ANTXR1: variants seen among roughly 807,000 people sequenced by gnomAD.
The protein encoded by ANTXR1 is anthrax toxin receptor 1.
In ANTXR1, 19 loss-of-function variants were observed where a neutral mutation model predicts 78.1. The observed-to-expected ratio is 0.24, with a 90% CI of 0.17 to 0.36. The LOEUF (loss-of-function observed/expected upper bound fraction) is 0.36. ANTXR1 is among the 10% of genes least tolerant of loss of function. The probability of loss-of-function intolerance (pLI) is 1.00; values close to 1 mark genes in which losing one functional copy is unlikely to be tolerated. For synonymous variants in ANTXR1, 273 were observed against 260.5 expected, an observed-to-expected ratio of 1.05 and a Z score of -0.46; for missense variants, 518 against 718.6, an observed-to-expected ratio of 0.72 and a Z score of 3.19.
At chr2:69,216,603 C>G (rs184512557) in intron 17 of ANTXR1, among the ~76,000 whole-genome samples, 1 of 152,232 alleles carries the variant, frequency 6.6e-6, no homozygotes, top group East Asian at 1.9e-4. Flanking sequence ...CACAGTCATC[C>G]TCACCCATCA....
rs541824972 is a variant in ANTXR1, at chr2:69,160,821, C to T, written c.1047+8557C>T. Among the ~76,000 whole-genome samples, 4 of 152,326 alleles carry T rather than the reference C, an allele frequency of 2.6e-5. No individual in the cohort carries two copies. The South Asian group carries it at 8.3e-4, about 32-fold the overall frequency. The stretch of plus-strand genomic sequence containing the variant: ...CTTCCTTGGCCTGTCACTACCTGTA[C>T]TCTCCCAAACACTTATTAACATACT... On this transcript the variant is annotated intron_variant, in intron 13 of 17. Transcript: ENST00000303714.
chr2:69,220,232 A>C (rs1188551963), intron 17 of ANTXR1, among the ~76,000 whole-genome samples: 1 of 152,188 alleles, frequency 6.6e-6, no homozygotes, highest in Non-Finnish European at 1.5e-5. Flanking sequence ...TTTGTGGCTC[A>C]GATTTTCCAC....
At chr2:69,187,241 C>G (rs577701929) in intron 16 of ANTXR1, among the ~76,000 whole-genome samples, 6 of 152,272 alleles carry the variant, frequency 3.9e-5, no homozygotes, top group South Asian at 4.2e-4. Flanking sequence ...ACACTTCCCC[C>G]CTTCCTCATT....
intron 3 of ANTXR1, among the ~76,000 whole-genome samples, chr2:69,061,424 A>G (rs751162660): frequency 9.9e-5 from 15 of 152,128 alleles, no homozygotes; most frequent in Non-Finnish European, 2.2e-4. Context: ...ACTTCTCTGT[A>G]GAAATAAATG....
chr2:69,108,160 G>A (rs1671870583), intron 10 of ANTXR1, among the ~76,000 whole-genome samples: 1 of 152,168 alleles, frequency 6.6e-6, no homozygotes, highest in Non-Finnish European at 1.5e-5. Context: ...TAACTTAAAT[G>A]TAAATAGCCA....
chr2:69,118,034 G>A (rs140895205), intron 10 of ANTXR1, among the ~76,000 whole-genome samples: 131 of 152,238 alleles, frequency 8.6e-4, no homozygotes, highest in African/African-American at 2.8e-3. Context: ...GATGCCTTGG[G>A]TAAACCTATG....
intron 9 of ANTXR1, among the ~76,000 whole-genome samples, chr2:69,100,417 T>C (rs62133509): frequency 6.6e-6 from 1 of 152,116 alleles, no homozygotes; most frequent in African/African-American, 2.4e-5. Flanking sequence ...CCCCCTGGCC[T>C]AGGGGGTTAA....
At chr2:69,183,547 A>G (rs1392900563) in intron 16 of ANTXR1, among the ~76,000 whole-genome samples, 1 of 146,948 alleles carries the variant, frequency 6.8e-6, no homozygotes, top group African/African-American at 2.5e-5. Flanking sequence ...GACTACGGGC[A>G]CGCACCACCA....
chr2:69,088,613 C>T (rs866628578), intron 8 of ANTXR1, among the ~76,000 whole-genome samples: 3 of 152,016 alleles, frequency 2.0e-5, no homozygotes, highest in Non-Finnish European at 4.4e-5. Flanking sequence ...CAGGAAGAGC[C>T]CAAGAGCAGC....
At chr2:69,183,582 T>TG in intron 16 of ANTXR1, among the ~76,000 whole-genome samples, 1 of 139,680 alleles carries the variant, frequency 7.2e-6, no homozygotes, top group African/African-American at 2.9e-5. Flanking sequence ...TTGTTTTTTT[T>TG]TTTTTTTTTT....
intron 1 of ANTXR1, among the ~76,000 whole-genome samples, chr2:69,036,423 A>G (rs1156393419): frequency 6.6e-6 from 1 of 152,202 alleles, no homozygotes; most frequent in South Asian, 2.1e-4. Context: ...ATTATTTATT[A>G]TTATTGACTA....
At chr2:69,119,614 T>C (rs771371428) in intron 10 of ANTXR1, among the ~76,000 whole-genome samples, 3 of 152,364 alleles carry the variant, frequency 2.0e-5, no homozygotes, top group East Asian at 1.9e-4. Flanking sequence ...CTTAGCTCAC[T>C]GTCATCCCGC....
At chr2:69,245,091 C>G in intron 17 of ANTXR1, 134 bp from the exon 18 acceptor site, 1 of 984,622 alleles carries the variant, frequency 1.0e-6, no homozygotes, top group Non-Finnish European at 1.6e-6. Flanking sequence ...TCAAGTTCTA[C>G]TATGTGCCAC....
rs937737966 is a variant in ANTXR1 at position 69,013,750 on chromosome 2, C to G, written c.152+99C>G. 1.9e-5 allele frequency: 29 copies of G among 1,538,938 alleles called. No individual in the cohort carries two copies. The highest frequency in any genetic ancestry group is 6.9e-5 in the African/African-American group (5 of 72,770). Reference sequence around the variant, plus strand: ...TGGCAGGGTCGCCTGGGGACAGGAGCGCATCTCCAGGGCCACAGAGGGACC... The same window carrying G: ...TGGCAGGGTCGCCTGGGGACAGGAGGGCATCTCCAGGGCCACAGAGGGACC... On this transcript the variant is annotated intron_variant, in intron 1 of 17. Coordinates refer to ENST00000303714, the MANE Select transcript of ANTXR1 (RefSeq NM_032208.3). This position sits in a 1 kb window ranked among gnomAD's most constrained non-coding sequence, Gnocchi z 5.0.
intron 17 of ANTXR1, among the ~76,000 whole-genome samples, chr2:69,212,410 C>T (rs534050633): frequency 2.6e-5 from 4 of 152,268 alleles, no homozygotes; most frequent in African/African-American, 9.6e-5. Flanking sequence ...CCATCCAAGG[C>T]AGCTCCCAGG....
At chr2:69,057,028 G>T (rs575312013) in intron 3 of ANTXR1, among the ~76,000 whole-genome samples, 2 of 151,888 alleles carry the variant, frequency 1.3e-5, no homozygotes, top group African/African-American at 2.4e-5. Flanking sequence ...TCTTGAACTT[G>T]CTTTTTATAC....
chr2:69,145,834 C>A, intron 12 of ANTXR1: 1 of 987,646 alleles, frequency 1.0e-6, no homozygotes, highest in Non-Finnish European at 1.2e-6. Context: ...GGCAAACAAG[C>A]CCTGGCAAGA....
rs755054253 is a variant in ANTXR1, at chr2:69,077,447, G to A, written c.601G>A (p.Val201Met). 3.1e-6 allele frequency: 5 copies of A among 1,614,090 alleles called. No individual in the cohort carries two copies. The highest frequency in any genetic ancestry group is 2.2e-5 in the East Asian group (1 of 44,878). The change falls in exon 8 of 18, where the codon GTG (valine) becomes ATG (methionine). Residue 201 changes from valine (V) to methionine (M), a missense_variant. Val to Met is a conservative substitution (Grantham distance 21, BLOSUM62 1). Transcript: ENST00000303714. ...IADSKDHVFP[V>M]NDGFQALQGI... ...GGACAGTAAGGATCATGTGTTTCCC[G>A]TGAATGACGGCTTTCAGGCTCTGCA...
intron 12 of ANTXR1, among the ~76,000 whole-genome samples, chr2:69,138,531 G>A (rs541284114): frequency 1.3e-5 from 2 of 152,100 alleles, no homozygotes; most frequent in South Asian, 2.1e-4. Context: ...GTCCCATGAG[G>A]GTATATAAAC....
Sources: gnomAD v4.1 joint callset for allele counts (sites outside exome capture counted in the v4.1 genomes callset) on GRCh38, gnomAD v4.1.1 for gene constraint, Gnocchi (gnomAD v3.1) non-coding constraint, MANE v1.5 for transcripts, NCBI Gene and HGNC (gene_info 2026-07-23, HGNC 2026-07-21) for gene names.